GPC6: variants seen among roughly 807,000 people sequenced by gnomAD.
GPC6 encodes glypican-6.
In GPC6, 14 loss-of-function variants were observed where a neutral mutation model predicts 55.2. The observed-to-expected ratio is 0.25, with a 90% CI of 0.17 to 0.40. GPC6 has a LOEUF of 0.40. GPC6 is among the 10% of genes least tolerant of loss of function. The pLI, the probability that GPC6 is intolerant of heterozygous loss-of-function variation, is 1.00. For missense variants in GPC6, 641 were observed against 708.5 expected, an observed-to-expected ratio of 0.90 and a Z score of 1.08; for synonymous variants, 278 against 259.6, an observed-to-expected ratio of 1.07 and a Z score of -0.68.
At chr13:94,005,343 C>T (rs1881973861) in intron 3 of GPC6, among the ~76,000 whole-genome samples, 1 of 152,080 alleles carries the variant, frequency 6.6e-6, no homozygotes, top group African/African-American at 2.4e-5. Flanking sequence ...ACTGATAATC[C>T]TTGTAGAGAG....
chr13:94,349,034 C>A (rs980956195), intron 6 of GPC6, among the ~76,000 whole-genome samples: 4 of 152,216 alleles, frequency 2.6e-5, no homozygotes, highest in Non-Finnish European at 5.9e-5. Flanking sequence ...ATGGACCAGG[C>A]ACATAGTGAT....
intron 4 of GPC6, among the ~76,000 whole-genome samples, chr13:94,281,306 T>A (rs1892373427): frequency 6.6e-6 from 1 of 152,134 alleles, no homozygotes; most frequent in African/African-American, 2.4e-5. Context: ...GGTTTTAAGC[T>A]CCACATGCAT....
chr13:93,524,785 A>G (rs1055855657), intron 1 of GPC6, among the ~76,000 whole-genome samples: 1 of 152,076 alleles, frequency 6.6e-6, no homozygotes, highest in Non-Finnish European at 1.5e-5. Context: ...CAATCTTTCA[A>G]GTACCAAAGC....
At chr13:94,201,432 G>A (rs16949593) in intron 4 of GPC6, among the ~76,000 whole-genome samples, 5,874 of 152,178 alleles carry the variant, frequency 0.039, 381 homozygotes, top group African/African-American at 0.13. Flanking sequence ...GTAACTTGAC[G>A]ATCCAGGCCA....
At chr13:93,437,600 A>G (rs1257063216) in intron 1 of GPC6, among the ~76,000 whole-genome samples, 1 of 152,206 alleles carries the variant, frequency 6.6e-6, no homozygotes, top group Non-Finnish European at 1.5e-5. Context: ...ACTCCTTTCA[A>G]TTCTATGAAG....
At chr13:93,415,725 T>C (rs933718252) in intron 1 of GPC6, among the ~76,000 whole-genome samples, 1 of 152,170 alleles carries the variant, frequency 6.6e-6, no homozygotes. Context: ...TATTTTAATT[T>C]ACATTTATTT....
chr13:93,233,753 C>T (rs532030691), intron 1 of GPC6, among the ~76,000 whole-genome samples: 12 of 152,214 alleles, frequency 7.9e-5, no homozygotes, highest in African/African-American at 2.9e-4. Flanking sequence ...ACCCTGCAAA[C>T]ATGAGGAGGG....
chr13:93,833,884 G>A (rs991602548), intron 3 of GPC6, among the ~76,000 whole-genome samples: 2 of 151,904 alleles, frequency 1.3e-5, no homozygotes, highest in African/African-American at 4.8e-5. Context: ...TATAACTCTA[G>A]GTCTGACTCT....
chr13:94,217,169 G>T (rs1890250886), intron 4 of GPC6, among the ~76,000 whole-genome samples: 1 of 152,138 alleles, frequency 6.6e-6, no homozygotes, highest in Non-Finnish European at 1.5e-5. Flanking sequence ...TAGAATGAGG[G>T]GACAGAATAA....
chr13:94,208,082 C>T (rs1362897950), intron 4 of GPC6, among the ~76,000 whole-genome samples: 2 of 152,108 alleles, frequency 1.3e-5, no homozygotes, highest in African/African-American at 4.8e-5. Flanking sequence ...TCTGGCATTA[C>T]TAGGAGGACA....
chr13:93,562,379 A>G (rs2139460377), intron 2 of GPC6, among the ~76,000 whole-genome samples: 1 of 152,290 alleles, frequency 6.6e-6, no homozygotes, highest in African/African-American at 2.4e-5. Flanking sequence ...TTCAATACAC[A>G]TTTGCCTTTG....
chr13:93,683,800 C>T (rs1881942568), intron 2 of GPC6, among the ~76,000 whole-genome samples: 1 of 152,074 alleles, frequency 6.6e-6, no homozygotes, highest in South Asian at 2.1e-4. Flanking sequence ...GCTGCTATAA[C>T]AAAGTATTAT....
intron 2 of GPC6, among the ~76,000 whole-genome samples, chr13:93,782,030 G>A (rs937969468): frequency 1.1e-4 from 17 of 152,050 alleles, no homozygotes; most frequent in African/African-American, 4.1e-4. Context: ...AGATACAACA[G>A]ATCTCTTGAA....
At chr13:93,348,293 A>G (rs1461258531) in intron 1 of GPC6, among the ~76,000 whole-genome samples, 2 of 152,208 alleles carry the variant, frequency 1.3e-5, no homozygotes, top group Non-Finnish European at 2.9e-5. Flanking sequence ...ACATCCTTAT[A>G]AACAAGAGAC....
In GPC6 at chr13:93,592,528, T is replaced by G. The variant is rs374229425; in HGVS notation, c.319+47107T>G. On this transcript the variant is annotated intron_variant, in intron 2 of 8. Coordinates refer to ENST00000377047, the MANE Select transcript of GPC6 (RefSeq NM_005708.5). ...CCTCCCAAAGTGCTGGGATTACAGG[T>G]GTAGCCACCACACCCGGCCCTCTCC... Among the ~76,000 whole-genome samples, 152 of 150,772 alleles carry G rather than the reference T, an allele frequency of 1.0e-3. 2 individuals carry two copies. In the East Asian group the frequency reaches 0.025, roughly 25 times the overall value.
chr13:93,946,891 G>C (rs1879034630), intron 3 of GPC6, among the ~76,000 whole-genome samples: 2 of 152,110 alleles, frequency 1.3e-5, no homozygotes. Context: ...TTTTCTCATG[G>C]GGAGGTTTTA....
chr13:93,623,623 T>A (rs1039116650), intron 2 of GPC6, among the ~76,000 whole-genome samples: 1 of 152,036 alleles, frequency 6.6e-6, no homozygotes, highest in Non-Finnish European at 1.5e-5. Flanking sequence ...CACTTCCAGC[T>A]AATTTTTTGT....
At chr13:93,815,803 C>G (rs921982159) in intron 2 of GPC6, among the ~76,000 whole-genome samples, 2 of 151,562 alleles carry the variant, frequency 1.3e-5, no homozygotes, top group Non-Finnish European at 2.9e-5. Flanking sequence ...TATTCATTAC[C>G]TTTGAATGAA....
intron 3 of GPC6, among the ~76,000 whole-genome samples, chr13:93,861,094 G>C (rs1364761936): frequency 6.6e-6 from 1 of 151,278 alleles, no homozygotes; most frequent in African/African-American, 2.4e-5. Context: ...TAACAGAGTA[G>C]ATCCGTGTAA....
Sources: gnomAD v4.1 joint callset for allele counts (sites outside exome capture counted in the v4.1 genomes callset) on GRCh38, gnomAD v4.1.1 for gene constraint, MANE v1.5 for transcripts, NCBI Gene and HGNC (gene_info 2026-07-23, HGNC 2026-07-21) for gene names.